RNF166: variants seen among roughly 807,000 people sequenced by gnomAD.
The protein encoded by RNF166 is ring finger protein 166, also known as E3 ubiquitin-protein ligase RNF166.
In RNF166, 19 loss-of-function variants were observed where a neutral mutation model predicts 29.4. The observed-to-expected ratio is 0.65, with a 90% CI of 0.45 to 0.95. RNF166 has a LOEUF of 0.95. Ranked by LOEUF, RNF166 falls within the 40% of genes least tolerant of loss-of-function variation. The pLI is 0.00. For missense variants in RNF166, 347 were observed against 322.1 expected (o/e 1.08, Z -0.59); for synonymous variants, 171 against 134.5 (o/e 1.27, Z -1.88).
intron 5 of RNF166, chr16:88,697,895 G>T: frequency 2.0e-6 from 1 of 494,456 alleles, no homozygotes; most frequent in South Asian, 2.6e-5. Context: ...TCTAAGCCCG[G>T]GGTTTCCGAG....
intron 1 of RNF166, chr16:88,703,421 A>G (rs1910466316): frequency 1.0e-6 from 1 of 985,376 alleles, no homozygotes; most frequent in Non-Finnish European, 1.2e-6. Flanking sequence ...GGTGCCCAGA[A>G]GGTTGGCTGG....
At chr16:88,705,428 C>G (rs1910685382) in intron 1 of RNF166, among the ~76,000 whole-genome samples, 1 of 152,242 alleles carries the variant, frequency 6.6e-6, no homozygotes, top group African/African-American at 2.4e-5. Flanking sequence ...GGAGCAGACA[C>G]TGATCTAGGC....
intron 1 of RNF166, chr16:88,703,455 C>T (rs1289032844): frequency 4.7e-5 from 46 of 985,256 alleles, no homozygotes; most frequent in East Asian, 1.1e-4. Flanking sequence ...TCGTCCTCCC[C>T]GGAAGGACTC....
Position 88,704,626 on chromosome 16 carries a change from A to G in RNF166, c.155+1545T>C, listed in dbSNP as rs57506951. The G allele has an allele frequency of 2.4e-3, 2,046 of 868,642 alleles. 40 individuals are homozygous for G. The African/African-American group carries it at 0.034, about 15-fold the overall frequency. 53.8% of individuals were successfully genotyped at this position (868,642 alleles called of 1,614,324 possible). On this transcript the variant is annotated intron_variant, in intron 1 of 5. Coordinates refer to ENST00000312838, the MANE Select transcript of RNF166 (RefSeq NM_178841.4). ...CTTTTCTAAAACAAGGCCTAAGTCA[A>G]GCCTCACAGCGCTCAGTAACAGATG...
In RNF166 at chr16:88,697,621, C is replaced by T; in HGVS notation, c.661G>A (p.Asp221Asn). 1.9e-6 allele frequency: 3 copies of T among 1,552,214 alleles called. No homozygotes were observed. The highest frequency in any genetic ancestry group is 2.6e-6 in the Non-Finnish European group (3 of 1,147,706). Residue 221 changes from aspartate to asparagine, a missense_variant, in exon 6 of 6, where the codon GAC becomes AAC. Transcript: ENST00000312838. ...GCAGCCTGGAAGGCGGCCTCCTCGT[C>T]AATACTGTAGTCCTGGAGACAGGAA... ...SYDTFVDYSIDEEAAFQAALA... is the reference protein window; with the variant it reads ...SYDTFVDYSINEEAAFQAALA...
At position 88,698,533 on chromosome 16, in the gene RNF166, T is replaced by C; in HGVS notation, c.617A>G (p.His206Arg). The C allele has an allele frequency of 6.4e-7, 1 of 1,573,936 alleles. No homozygotes were observed. The highest frequency in any genetic ancestry group is 8.6e-7 in the Non-Finnish European group (1 of 1,159,438). Residue 206 changes from histidine to arginine, a missense_variant, in exon 5 of 6, where the codon CAC becomes CGC. Transcript: ENST00000312838. ...GGTGTCGTAGGAGAACTTGTGTCGG[T>C]GAAGCAGGTGCTGCAGGAAGTTGGC... ...KSANFLQHLL[H>R]RHKFSYDTFV...
At chr16:88,705,784 A>G (rs1003126501) in intron 1 of RNF166, among the ~76,000 whole-genome samples, 1 of 152,254 alleles carries the variant, frequency 6.6e-6, no homozygotes, top group Non-Finnish European at 1.5e-5. Flanking sequence ...TTATTTATTT[A>G]CAACTGCCCA....
chr16:88,701,705 G>A, intron 1 of RNF166: 1 of 397,378 alleles, frequency 2.5e-6, no homozygotes, highest in East Asian at 4.1e-5. Context: ...TGGGCCAGAG[G>A]AGCTCCCATA....
chr16:88,698,672 A>G, intron 4 of RNF166, 63 bp from the exon 5 acceptor site: 2 of 1,281,008 alleles, frequency 1.6e-6, no homozygotes, highest in Middle Eastern at 2.7e-4. Flanking sequence ...CCGCAGTAGG[A>G]CTGGGGGCCC....
In RNF166 at chr16:88,699,130, G is replaced by A. The variant is rs574110532; in HGVS notation, c.426-45C>T. 1.2e-4 allele frequency: 157 copies of A among 1,294,758 alleles called. 1 individual carries two copies. The African/African-American group carries it at 2.0e-3, about 17-fold the overall frequency. The allele number at this position is 1,294,758 out of a possible 1,614,324, so 80.2% of individuals were successfully genotyped here. ...GTGAGTGGCACGGCTAGGTGTCTAG[G>A]GGCTCTGCCTCCCCGCTTCTCTCAA... On this transcript the variant is annotated intron_variant, in intron 3 of 5. Coordinates refer to ENST00000312838, the MANE Select transcript of RNF166 (RefSeq NM_178841.4).
rs552205763 is a variant in RNF166 at position 88,699,648 on chromosome 16, C to G, written c.397G>C (p.Val133Leu). The G allele has an allele frequency of 1.2e-6, 2 of 1,613,334 alleles. No homozygotes were observed. Among genetic ancestry groups the G allele is most frequent in the Non-Finnish European group, 1.7e-6 (2 of 1,179,810 alleles). ...GGGATAGGCTGTGATGTGGGCACCA[C>G]GGGGACGAACTTGGGGCAGTTGGCC... ...QMANCPKFVP[V>L]VPTSQPIPSN... Residue 133 changes from valine to leucine, a missense_variant, in exon 3 of 6, where the codon GTG becomes CTG. Coordinates refer to ENST00000312838, the MANE Select transcript of RNF166 (RefSeq NM_178841.4).
chr16:88,698,773 G>A (rs942586061), intron 4 of RNF166, among the ~76,000 whole-genome samples, 164 bp from the exon 5 acceptor site: 1 of 151,992 alleles, frequency 6.6e-6, no homozygotes, highest in Non-Finnish European at 1.5e-5. Context: ...TATTCAGTGC[G>A]CGTCACCCTG....
At chr16:88,704,850 C>T (rs1910613824) in intron 1 of RNF166, among the ~76,000 whole-genome samples, 1 of 152,240 alleles carries the variant, frequency 6.6e-6, no homozygotes, top group Middle Eastern at 3.4e-3. Flanking sequence ...ATTAGCCGGG[C>T]GTGGTGGCGG....
chr16:88,704,054 G>T (rs374794290), intron 1 of RNF166: 1 of 985,336 alleles, frequency 1.0e-6, no homozygotes, highest in African/African-American at 1.7e-5. Flanking sequence ...GGCCTCCTGC[G>T]CGAGGGCTAG....
Position 88,705,470 on chromosome 16 carries a change from A to C in RNF166, c.155+701T>G, listed in dbSNP as rs550898407. Among the ~76,000 whole-genome samples, 73 of 152,290 alleles carry C rather than the reference A, an allele frequency of 4.8e-4. 1 individual carries two copies. The highest frequency in any genetic ancestry group is 1.3e-3 in the African/African-American group (54 of 41,560). On this transcript the variant is annotated intron_variant, in intron 1 of 5. Transcript: ENST00000312838. ...CCAACGGGGCTGGCAGCTCCAGAATACTTGAGCACAGCTCCCCGCCAGGAG... is the reference window on the plus strand; with the variant it reads ...CCAACGGGGCTGGCAGCTCCAGAATCCTTGAGCACAGCTCCCCGCCAGGAG...
intron 2 of RNF166, 76 bp downstream of exon 2, chr16:88,701,185 CA>C: frequency 6.4e-7 from 1 of 1,565,260 alleles, no homozygotes; most frequent in Non-Finnish European, 8.8e-7. Flanking sequence ...CCCCGGCCCC[CA>C]CCCTCTGCAG....
intron 4 of RNF166, 59 bp from the exon 5 acceptor site, chr16:88,698,668 T>G (rs956555269): frequency 3.8e-6 from 5 of 1,324,648 alleles, no homozygotes; most frequent in Non-Finnish European, 5.1e-6. Context: ...GTAGCCGCAG[T>G]AGGACTGGGG....
chr16:88,703,638 G>A, intron 1 of RNF166: 1 of 985,582 alleles, frequency 1.0e-6, no homozygotes, highest in Non-Finnish European at 1.2e-6. Context: ...TCCCCCACAG[G>A]AAGTTCCTGT....
Position 88,697,287 on chromosome 16 carries a change from C to G in RNF166, c.*281G>C. 1 of 322,680 alleles carries G rather than the reference C, an allele frequency of 3.1e-6. No individual in the cohort carries two copies. Among genetic ancestry groups the G allele is most frequent in the Non-Finnish European group, 5.8e-6 (1 of 173,850 alleles). 20.0% of individuals were successfully genotyped at this position (322,680 alleles called of 1,614,324 possible). A position where few individuals can be genotyped will look rare whatever the true frequency, so the allele number is the denominator to read the frequency against. ...TGGCTTTGAAGAGACGGCGGCAGCT[C>G]CAGGTCCCAGCGTCCAGCCCTGCCC... On this transcript the variant is annotated 3_prime_UTR_variant, in exon 6 of 6. Coordinates refer to ENST00000312838, the MANE Select transcript of RNF166 (RefSeq NM_178841.4).
Sources: allele counts gnomAD v4.1 joint callset (sites outside exome capture counted in the v4.1 genomes callset), GRCh38; gene constraint gnomAD v4.1.1; transcripts MANE v1.5; gene names NCBI Gene and HGNC (gene_info 2026-07-23, HGNC 2026-07-21).